DOCK9: variants seen among roughly 807,000 people sequenced by gnomAD.
DOCK9 encodes the protein dedicator of cytokinesis protein 9.
DOCK9 carries 89 observed loss-of-function variants against 263.3 expected under a neutral mutation model. The ratio of observed to expected loss-of-function variants is 0.34; its 90% CI spans 0.28 to 0.40. The LOEUF (loss-of-function observed/expected upper bound fraction) is 0.40, where lower values mean the gene tolerates loss of function less well. Ranked by LOEUF, DOCK9 falls within the 10% of genes least tolerant of loss-of-function variation. The pLI, the probability that DOCK9 is intolerant of heterozygous loss-of-function variation, is 1.00. For missense variants in DOCK9, 2,140 were observed against 2,603.4 expected (o/e 0.82, Z 3.87); for synonymous variants, 976 against 973.1 (o/e 1.00, Z -0.06).
intron 1 of DOCK9, among the ~76,000 whole-genome samples, chr13:99,034,888 T>C (rs889447253): frequency 6.6e-6 from 1 of 152,202 alleles, no homozygotes; most frequent in Admixed American, 6.5e-5. Flanking sequence ...CAGTTCCTTG[T>C]AAGCCATATG....
chr13:98,831,457 T>C lies in DOCK9; in HGVS notation c.4526A>G (p.Asn1509Ser). The change falls in exon 41 of 53, where the codon AAC becomes AGC. Residue 1509 changes from asparagine (N) to serine (S), a missense_variant. Physicochemically the swap from Asn to Ser is conservative, Grantham distance 46. Coordinates refer to ENST00000682017, the MANE Select transcript of DOCK9 (RefSeq NM_001366683.2). ...ALCYEILKCC[N>S]SKLSSIRTEA... ...CGTCCTGATGGAGCTCAGCTTGGAG[T>C]TACAGCACTTGAGAATCTCGTAACA... is the stretch of plus-strand genomic sequence containing the variant. 6.3e-7 allele frequency: 1 copy of C among 1,596,684 alleles called. No homozygotes were observed. The highest frequency in any genetic ancestry group is 8.5e-7 in the Non-Finnish European group (1 of 1,171,186).
chr13:98,797,501 G>GCAAAAAAGACCTAGA lies in DOCK9; in HGVS notation c.5917-13_5917-12insTCTAGGTCTTTTTTG. Reference sequence around the variant, plus strand: ...GGGCCAGCATTGACCTAGACAAAGAGCAAAGATTTTCAGTTCCACTAGGAA... The same window carrying GCAAAAAAGACCTAGA: ...GGGCCAGCATTGACCTAGACAAAGAGCAAAAAAGACCTAGACAAAGATTTTCAGTTCCACTAGGAA... On this transcript the variant is annotated splice_polypyrimidine_tract_variant and intron_variant, in intron 50 of 52. Transcript: ENST00000682017. The GCAAAAAAGACCTAGA allele has an allele frequency of 1.3e-6, 2 of 1,597,746 alleles. No individual in the cohort carries two copies. Among genetic ancestry groups the GCAAAAAAGACCTAGA allele is most frequent in the Non-Finnish European group, 1.7e-6 (2 of 1,170,708 alleles).
upstream of DOCK9, among the ~76,000 whole-genome samples, chr13:99,087,593 C>T (rs556147560): frequency 9.2e-5 from 14 of 152,296 alleles, no homozygotes; most frequent in African/African-American, 3.1e-4. Context: ...GCTTTCCTGT[C>T]CCTAAGGGCC....
Position 98,800,426 on chromosome 13 carries a change from G to T in DOCK9, c.5778C>A (p.His1926Gln), listed in dbSNP as rs576995379. The T allele has an allele frequency of 9.9e-6, 16 of 1,614,020 alleles. No individual in the cohort carries two copies. Among genetic ancestry groups the T allele is most frequent in the Middle Eastern group, 1.6e-4 (1 of 6,062 alleles). ...CCTCGATGGGGTTCAGGTCAGTGTG[G>T]TGCTGGTACATGACAGGGATGCGCT... ...VKKRIPVMYQ[H>Q]HTDLNPIEVA... is the part of the protein sequence containing the mutation. The change falls in exon 50 of 53, where the codon CAC becomes CAA. Residue 1926 changes from histidine to glutamine, a missense_variant. By Grantham distance (24) the His-to-Gln change is conservative (BLOSUM62 0). This residue lies in a region of DOCK9 where 619 missense variants were observed against 861.8 expected (regional missense o/e 0.72). Transcript: ENST00000682017.
At chr13:99,078,298 T>C (rs2041993022) in intron 1 of DOCK9, among the ~76,000 whole-genome samples, 2 of 152,052 alleles carry the variant, frequency 1.3e-5, no homozygotes, top group African/African-American at 4.8e-5. Context: ...AACAATTAAA[T>C]TCTATAAACC....
At chr13:99,003,675 C>T (rs1882803576) in intron 1 of DOCK9, among the ~76,000 whole-genome samples, 2 of 151,880 alleles carry the variant, frequency 1.3e-5, no homozygotes, top group African/African-American at 2.4e-5. Context: ...TCTTATTTAA[C>T]TGCCAAATCT....
rs1329678590 is a variant in DOCK9 at position 98,908,955 on chromosome 13, T to C, written c.961-4249A>G. ...ATAACAAATATCATCCCAAAGTCTG[T>C]AGTTGAGCACTTCTCAGAGTGATGG... is the stretch of plus-strand genomic sequence containing the variant. On this transcript the variant is annotated intron_variant, in intron 9 of 52. Coordinates refer to ENST00000682017, the MANE Select transcript of DOCK9 (RefSeq NM_001366683.2). 5.9e-5 allele frequency among the ~76,000 whole-genome samples: 9 copies of C among 152,218 alleles called. No homozygotes were observed. In the South Asian group the frequency reaches 1.2e-3, roughly 21 times the overall value.
intron 1 of DOCK9, among the ~76,000 whole-genome samples, chr13:99,070,146 A>C (rs752631950): frequency 2.6e-4 from 39 of 152,122 alleles, no homozygotes; most frequent in Admixed American, 1.8e-3. Context: ...TCCAACATGC[A>C]TGTGTGTGCC....
At chr13:99,066,860 T>A (rs1359024903) in intron 1 of DOCK9, among the ~76,000 whole-genome samples, 3 of 152,196 alleles carry the variant, frequency 2.0e-5, no homozygotes, top group Non-Finnish European at 2.9e-5. Flanking sequence ...TGTATCTCAT[T>A]CATGGTAATT....
chr13:98,899,201 C>T (rs1407252055), intron 13 of DOCK9, among the ~76,000 whole-genome samples: 4 of 152,114 alleles, frequency 2.6e-5, no homozygotes, highest in Non-Finnish European at 5.9e-5. Context: ...CCCAAACTTC[C>T]TGGATCAGAA....
chr13:98,844,692 A>C (rs2093337733), intron 38 of DOCK9, among the ~76,000 whole-genome samples: 1 of 152,088 alleles, frequency 6.6e-6, no homozygotes, highest in African/African-American at 2.4e-5. Flanking sequence ...TCTTCATAAC[A>C]CTTAAACTGC....
intron 37 of DOCK9, chr13:98,847,622 A>G (rs1228902841): frequency 6.6e-6 from 1 of 152,242 alleles, no homozygotes; most frequent in East Asian, 1.9e-4. Context: ...ACAGAAAAAG[A>G]AAATCTTCAC....
chr13:99,073,407 G>A (rs895030791), intron 1 of DOCK9, among the ~76,000 whole-genome samples: 3 of 100,042 alleles, frequency 3.0e-5, no homozygotes, highest in Non-Finnish European at 2.2e-5. Context: ...TCTCTTTCAT[G>A]CTTCCTCCCT....
chr13:99,010,439 T>C (rs1185059003), intron 1 of DOCK9, among the ~76,000 whole-genome samples: 5 of 152,240 alleles, frequency 3.3e-5, no homozygotes, highest in Non-Finnish European at 7.3e-5. Flanking sequence ...TAGGCTGAGC[T>C]ATCCTTTCCT....
At chr13:99,078,314 TGGA>T (rs2041993772) in intron 1 of DOCK9, among the ~76,000 whole-genome samples, 1 of 151,910 alleles carries the variant, frequency 6.6e-6, no homozygotes, top group Non-Finnish European at 1.5e-5. Context: ...AAACCAGTGG[TGGA>T]GAAGAGACCC....
At chr13:98,845,351 C>T in intron 38 of DOCK9, 1 of 1,360,154 alleles carries the variant, frequency 7.4e-7, no homozygotes, top group Non-Finnish European at 9.8e-7. Flanking sequence ...AAATTCCAAG[C>T]ACACTTGATA....
intron 1 of DOCK9, among the ~76,000 whole-genome samples, chr13:99,073,167 T>G (rs1027185002): frequency 2.6e-5 from 4 of 152,108 alleles, no homozygotes; most frequent in Admixed American, 1.3e-4. Context: ...AACCAGATAT[T>G]CTGACCCGCA....
chr13:98,810,107 C>A, intron 46 of DOCK9, 62 bp downstream of exon 46: 1 of 1,605,476 alleles, frequency 6.2e-7, no homozygotes, highest in East Asian at 2.2e-5. Flanking sequence ...ATATGCAGGT[C>A]TGGGTATATG....
At chr13:99,037,456 CCATA>C (rs970920093) in intron 1 of DOCK9, among the ~76,000 whole-genome samples, 89 of 152,116 alleles carry the variant, frequency 5.9e-4, no homozygotes, top group Non-Finnish European at 1.2e-3. Flanking sequence ...TAAAGACTGG[CCATA>C]CAAAGTGTTG....
Sources: allele counts gnomAD v4.1 joint callset (sites outside exome capture counted in the v4.1 genomes callset), GRCh38; gene constraint gnomAD v4.1.1; regional missense constraint gnomAD v4.1.1; transcripts MANE v1.5; gene names NCBI Gene and HGNC (gene_info 2026-07-23, HGNC 2026-07-21).